EYS: variants seen among roughly 807,000 people sequenced by gnomAD.
EYS encodes the protein EGF-like photoreceptor maintenance factor.
Under a neutral mutation model 282.1 loss-of-function variants are expected in EYS, and 250 were observed. That is an observed-to-expected ratio of 0.89 (90% CI 0.80 to 0.98). EYS has a LOEUF of 0.98. EYS is among the 50% of genes least tolerant of loss of function. The pLI, the probability that EYS is intolerant of heterozygous loss-of-function variation, is 0.00. For missense variants in EYS, 4,016 were observed against 3,709.0 expected, an observed-to-expected ratio of 1.08 and a Z score of -2.15; for synonymous variants, 1,355 against 1,282.9, an observed-to-expected ratio of 1.06 and a Z score of -1.20.
At chr6:65,425,859 A>G (rs1217723145) in intron 5 of EYS, among the ~76,000 whole-genome samples, 2 of 152,106 alleles carry the variant, frequency 1.3e-5, no homozygotes, top group East Asian at 1.9e-4. Flanking sequence ...TTTTCTCTCT[A>G]GAAGTGATGG....
chr6:64,873,402 G>C (rs1766653416), intron 19 of EYS, among the ~76,000 whole-genome samples: 1 of 151,976 alleles, frequency 6.6e-6, no homozygotes, highest in African/African-American at 2.4e-5. Flanking sequence ...ATCAAGCAGT[G>C]AAATTAATTT....
At chr6:65,481,113 T>C (rs1765592206) in intron 5 of EYS, among the ~76,000 whole-genome samples, 1 of 152,212 alleles carries the variant, frequency 6.6e-6, no homozygotes, top group Admixed American at 6.5e-5. Context: ...GGGAGTATTC[T>C]GAATGTTCAC....
chr6:64,092,894 A>G (rs1399046065), intron 31 of EYS, among the ~76,000 whole-genome samples: 1 of 151,624 alleles, frequency 6.6e-6, no homozygotes, highest in East Asian at 1.9e-4. Context: ...TAGGTCTAAC[A>G]TTTAAGTCTT....
At chr6:63,866,565 A>G (rs1289013324) in intron 35 of EYS, among the ~76,000 whole-genome samples, 12 of 152,232 alleles carry the variant, frequency 7.9e-5, no homozygotes, top group Non-Finnish European at 1.8e-4. Flanking sequence ...ACTATTTTTA[A>G]TCAGGTCCTA....
At chr6:64,813,859 C>T (rs772306151) in intron 21 of EYS, among the ~76,000 whole-genome samples, 1 of 152,032 alleles carries the variant, frequency 6.6e-6, no homozygotes, top group East Asian at 1.9e-4. Flanking sequence ...CCCCTGCCCC[C>T]AATAATGGTG....
chr6:64,574,502 T>C lies in EYS; in HGVS notation c.5644+15721A>G, dbSNP rs1226219943. ...GAACCAACCACTTCCCCATGTAATA[T>C]TGATAAGCATGGAATGCATGAATCA... On this transcript the variant is annotated intron_variant, in intron 26 of 42. Transcript: ENST00000503581. 3.9e-5 allele frequency among the ~76,000 whole-genome samples: 6 copies of C among 152,256 alleles called. 1 individual carries two copies. In the South Asian group the frequency reaches 6.2e-4, roughly 16 times the overall value.
chr6:64,372,177 G>GTTTTTTTTTTTTTTTT (rs1772402372), intron 29 of EYS, among the ~76,000 whole-genome samples: 1 of 116,204 alleles, frequency 8.6e-6, no homozygotes, highest in African/African-American at 4.1e-5. Context: ...GCCAGGAATG[G>GTTTTTTTTTTTTTTTT]TCTTTTCCTT....
At chr6:63,841,337 A>G (rs1771952261) in intron 36 of EYS, among the ~76,000 whole-genome samples, 1 of 152,220 alleles carries the variant, frequency 6.6e-6, no homozygotes, top group South Asian at 2.1e-4. Context: ...AGAGTAATAT[A>G]AAAGTTAAAA....
intron 35 of EYS, among the ~76,000 whole-genome samples, chr6:63,968,925 T>C (rs6928883): frequency 0.31 from 47,705 of 152,088 alleles, 7,563 homozygotes; most frequent in Admixed American, 0.39. Context: ...AGTAGATCTA[T>C]ATTACACAAA....
intron 22 of EYS, among the ~76,000 whole-genome samples, chr6:64,759,070 C>G (rs1294752650): frequency 6.6e-6 from 1 of 152,020 alleles, no homozygotes; most frequent in Admixed American, 6.6e-5. Context: ...ACCCGGGAGG[C>G]GAAGCTTGCA....
rs1554177443 is a variant in EYS, at chr6:65,278,025, T to TC, written c.2023+17837dup. The stretch of plus-strand genomic sequence containing the variant: ...GCTGGGACACCAGGTTGTTTTCTTT[T>TC]CTTTTCCTTTTCTTTTCTTTTCTTT... On this transcript the variant is annotated intron_variant, in intron 12 of 42. Coordinates refer to ENST00000503581, the MANE Select transcript of EYS (RefSeq NM_001142800.2). Among the ~76,000 whole-genome samples the TC allele has an allele frequency of 1.4e-4, 15 of 109,554 alleles. No homozygotes were observed. In the East Asian group the frequency reaches 1.4e-3, roughly 10 times the overall value. 71.9% of individuals were successfully genotyped at this position (109,554 alleles called of 152,430 possible). A position where few individuals can be genotyped will look rare whatever the true frequency, so the allele number is the denominator to read the frequency against.
At chr6:64,068,470 A>G (rs986663537) in intron 32 of EYS, among the ~76,000 whole-genome samples, 1 of 144,036 alleles carries the variant, frequency 6.9e-6, no homozygotes, top group African/African-American at 2.6e-5. Context: ...TGTTTCCTTC[A>G]GAGTTATGAT....
chr6:64,342,057 C>A (rs895756098), intron 29 of EYS, among the ~76,000 whole-genome samples: 2 of 151,346 alleles, frequency 1.3e-5, no homozygotes, highest in Non-Finnish European at 3.0e-5. Context: ...TAAAACAGAT[C>A]TTTAGATATG....
chr6:64,532,130 C>G (rs1310776981), intron 26 of EYS, among the ~76,000 whole-genome samples: 2 of 152,108 alleles, frequency 1.3e-5, no homozygotes, highest in East Asian at 3.9e-4. Context: ...GACTAGACAG[C>G]AATAAAATTT....
At chr6:64,083,243 A>G (rs756186252) in intron 31 of EYS, among the ~76,000 whole-genome samples, 9 of 152,006 alleles carry the variant, frequency 5.9e-5, no homozygotes, top group Non-Finnish European at 1.0e-4. Context: ...AATGGGGGGA[A>G]TTTTCTCTGC....
At position 64,127,385 on chromosome 6, in the gene EYS, G is replaced by A. The variant is rs190070963; in HGVS notation, c.6425-45383C>T. Among the ~76,000 whole-genome samples, 120 of 151,938 alleles carry A rather than the reference G, an allele frequency of 7.9e-4. 2 individuals carry two copies. In the East Asian group the frequency reaches 0.019, roughly 24 times the overall value. ...TAAAAATTATAGGAAGGTAAGCTGC[G>A]AAAATTATTTTTCATTGGAAGATAC... On this transcript the variant is annotated intron_variant, in intron 31 of 42. Coordinates refer to ENST00000503581, the MANE Select transcript of EYS (RefSeq NM_001142800.2).
chr6:63,984,280 A>T, intron 35 of EYS, 103 bp downstream of exon 35: 1 of 769,440 alleles, frequency 1.3e-6, no homozygotes, highest in South Asian at 1.6e-5. Context: ...AGAATTCTGG[A>T]CTTGTCATTT....
chr6:64,149,475 G>A (rs1774629644), intron 31 of EYS, among the ~76,000 whole-genome samples: 1 of 152,096 alleles, frequency 6.6e-6, no homozygotes, highest in African/African-American at 2.4e-5. Context: ...TCTCTTAGAT[G>A]GGCACGAAGA....
intron 26 of EYS, among the ~76,000 whole-genome samples, chr6:64,455,936 T>C (rs1775545657): frequency 6.6e-6 from 1 of 152,172 alleles, no homozygotes; most frequent in African/African-American, 2.4e-5. Flanking sequence ...ATTTTAATAT[T>C]AACCCATTAT....
Sources: gnomAD v4.1 joint callset for allele counts (sites outside exome capture counted in the v4.1 genomes callset) on GRCh38, gnomAD v4.1.1 for gene constraint, MANE v1.5 for transcripts, NCBI Gene and HGNC (gene_info 2026-07-23, HGNC 2026-07-21) for gene names.